Variants in DOCK5 observed in about 807,000 individuals in gnomAD.
The protein encoded by DOCK5 is dedicator of cytokinesis 5.
In DOCK5, 142 loss-of-function variants were observed where a neutral mutation model predicts 251.8. That is an observed-to-expected ratio of 0.56 (90% CI 0.49 to 0.65). The LOEUF is 0.65. DOCK5 is among the 30% of genes least tolerant of loss of function. The pLI, the probability that DOCK5 is intolerant of heterozygous loss-of-function variation, is 0.00. For missense variants in DOCK5, 2,111 were observed against 2,312.3 expected (o/e 0.91, Z 1.79); for synonymous variants, 842 against 835.5 (o/e 1.01, Z -0.13).
chr8:25,311,307 G>A (rs533038805), intron 13 of DOCK5, among the ~76,000 whole-genome samples: 3 of 152,204 alleles, frequency 2.0e-5, no homozygotes, highest in Non-Finnish European at 4.4e-5. Flanking sequence ...ACTTTGGGAG[G>A]CTGAGGTGGG....
At chr8:25,262,822 A>AT (rs11386810) in intron 2 of DOCK5, among the ~76,000 whole-genome samples, 5,444 of 143,754 alleles carry the variant, frequency 0.038, 288 homozygotes, top group African/African-American at 0.12. Context: ...TATAGATACA[A>AT]TTTTTTTTTT....
rs541455591 is a variant in DOCK5 at position 25,197,575 on chromosome 8, C to CTTTTT, written c.43+12647_43+12651dup. Among the ~76,000 whole-genome samples, 415 of 108,236 alleles carry CTTTTT rather than the reference C, an allele frequency of 3.8e-3. 59 individuals are homozygous for CTTTTT. The highest frequency in any genetic ancestry group is 0.013 in the African/African-American group (310 of 24,276). The allele number at this position is 108,236 out of a possible 152,430, so 71.0% of individuals were successfully genotyped here. Reference sequence around the variant, plus strand: ...CTCTCTTTAAGGATCGTGTCTTTGTCTTTTTTTTTTTTTTTTTTTTTTTTT... The same window carrying CTTTTT: ...CTCTCTTTAAGGATCGTGTCTTTGTCTTTTTTTTTTTTTTTTTTTTTTTTTTTTTT... On this transcript the variant is annotated intron_variant, in intron 1 of 51. Transcript: ENST00000276440.
chr8:25,320,654 T>A (rs536553362), intron 15 of DOCK5, among the ~76,000 whole-genome samples: 4 of 152,350 alleles, frequency 2.6e-5, no homozygotes, highest in Admixed American at 2.6e-4. Flanking sequence ...TATTACTATA[T>A]TTATACACAT....
intron 18 of DOCK5, among the ~76,000 whole-genome samples, chr8:25,326,022 C>A (rs1209044429): frequency 6.6e-6 from 1 of 152,066 alleles, no homozygotes; most frequent in Non-Finnish European, 1.5e-5. Context: ...TCCAAGCAGT[C>A]AGGGATTTTC....
At chr8:25,401,358 G>A (rs1402688593) in intron 47 of DOCK5, among the ~76,000 whole-genome samples, 1 of 152,064 alleles carries the variant, frequency 6.6e-6, no homozygotes, top group African/African-American at 2.4e-5. Context: ...CTGGGGGTGG[G>A]GCCCAAGTAG....
At chr8:25,188,017 C>T (rs1487832636) in intron 1 of DOCK5, among the ~76,000 whole-genome samples, 2 of 152,238 alleles carry the variant, frequency 1.3e-5, no homozygotes, top group African/African-American at 4.8e-5. Context: ...TCCTAGCACT[C>T]AACAGGTGTA....
chr8:25,316,432 G>C (rs1175555747), intron 13 of DOCK5, among the ~76,000 whole-genome samples: 1 of 152,174 alleles, frequency 6.6e-6, no homozygotes, highest in Non-Finnish European at 1.5e-5. Context: ...AGTGAGCCGA[G>C]ATTGCACCAC....
chr8:25,275,723 C>A (rs1804030156), intron 4 of DOCK5, among the ~76,000 whole-genome samples: 1 of 152,092 alleles, frequency 6.6e-6, no homozygotes, highest in African/African-American at 2.4e-5. Flanking sequence ...GTAATCCCAG[C>A]TACTGGGGAG....
intron 12 of DOCK5, 55 bp downstream of exon 12, chr8:25,308,980 C>T (rs1805019908): frequency 6.3e-7 from 1 of 1,575,374 alleles, no homozygotes; most frequent in South Asian, 1.1e-5. Context: ...GGGACATTCA[C>T]AGCTGGGTCC....
Position 25,184,866 on chromosome 8 carries a change from G to T in DOCK5, c.-43G>T. On this transcript the variant is annotated 5_prime_UTR_variant, in exon 1 of 52. Transcript: ENST00000276440. ...GGCGGCGGCCGGAGCCCGAGGAGCT[G>T]TAGCAGCCTTAGTCGCCGCCGCCGC... is the stretch of plus-strand genomic sequence containing the variant. The T allele has an allele frequency of 7.5e-7, 1 of 1,335,204 alleles. No individual in the cohort carries two copies. Among genetic ancestry groups the T allele is most frequent in the Non-Finnish European group, 9.6e-7 (1 of 1,037,414 alleles). 82.7% of individuals were successfully genotyped at this position (1,335,204 alleles called of 1,614,324 possible).
intron 5 of DOCK5, among the ~76,000 whole-genome samples, chr8:25,289,915 C>A (rs906983450): frequency 1.3e-5 from 2 of 152,084 alleles, no homozygotes; most frequent in African/African-American, 4.8e-5. Context: ...TTTTATTTAA[C>A]TAACATTTCA....
chr8:25,403,774 A>G (rs1340365463), intron 48 of DOCK5, 50 bp downstream of exon 48: 2 of 1,588,284 alleles, frequency 1.3e-6, no homozygotes, highest in Non-Finnish European at 1.7e-6. Context: ...ACGCCTTACT[A>G]ATGTTTGCCT....
intron 4 of DOCK5, among the ~76,000 whole-genome samples, chr8:25,275,659 A>C (rs533004847): frequency 1.5e-4 from 23 of 151,726 alleles, no homozygotes; most frequent in African/African-American, 5.6e-4. Flanking sequence ...ACATGGTAAA[A>C]CCCCCATCTC....
At position 25,197,575 on chromosome 8, in the gene DOCK5, C is replaced by CTT. The variant is rs541455591; in HGVS notation, c.43+12650_43+12651dup. 5.8e-3 allele frequency among the ~76,000 whole-genome samples: 633 copies of CTT among 108,228 alleles called. 62 individuals are homozygous for CTT. Among genetic ancestry groups the CTT allele is most frequent in the African/African-American group, 8.8e-3 (213 of 24,278 alleles). The allele number at this position is 108,228 out of a possible 152,430, so 71.0% of individuals were successfully genotyped here. A position where few individuals can be genotyped will look rare whatever the true frequency, so the allele number is the denominator to read the frequency against. On this transcript the variant is annotated intron_variant, in intron 1 of 51. Transcript: ENST00000276440. Reference sequence around the variant, plus strand: ...CTCTCTTTAAGGATCGTGTCTTTGTCTTTTTTTTTTTTTTTTTTTTTTTTT... The same window carrying CTT: ...CTCTCTTTAAGGATCGTGTCTTTGTCTTTTTTTTTTTTTTTTTTTTTTTTTTT...
intron 48 of DOCK5, among the ~76,000 whole-genome samples, chr8:25,407,025 A>G (rs1180059173): frequency 6.6e-6 from 1 of 152,182 alleles, no homozygotes; most frequent in Non-Finnish European, 1.5e-5. Flanking sequence ...CTACTATAGA[A>G]TATTTAAGCT....
chr8:25,386,962 A>C (rs1253921179), intron 40 of DOCK5, among the ~76,000 whole-genome samples: 1 of 152,206 alleles, frequency 6.6e-6, no homozygotes, highest in Non-Finnish European at 1.5e-5. Context: ...TGCTTTATAA[A>C]CTGTAAAGTA....
At chr8:25,215,448 C>T (rs1802219585) in intron 1 of DOCK5, among the ~76,000 whole-genome samples, 1 of 152,076 alleles carries the variant, frequency 6.6e-6, no homozygotes, top group Non-Finnish European at 1.5e-5. Flanking sequence ...TTCTTCTACA[C>T]CCCGATCCCC....
At chr8:25,263,713 C>T (rs1014949192) in intron 2 of DOCK5, among the ~76,000 whole-genome samples, 4 of 151,754 alleles carry the variant, frequency 2.6e-5, no homozygotes, top group Non-Finnish European at 5.9e-5. Flanking sequence ...GACACCCCGT[C>T]TGCTCCCTTA....
intron 18 of DOCK5, among the ~76,000 whole-genome samples, chr8:25,326,098 A>G (rs978617655): frequency 3.3e-5 from 5 of 152,170 alleles, no homozygotes; most frequent in Non-Finnish European, 5.9e-5. Context: ...TCTGATATCA[A>G]TTTTAACCTC....
Sources: gnomAD v4.1 joint callset for allele counts (sites outside exome capture counted in the v4.1 genomes callset) on GRCh38, gnomAD v4.1.1 for gene constraint, MANE v1.5 for transcripts, NCBI Gene and HGNC (gene_info 2026-07-23, HGNC 2026-07-21) for gene names.